GTF2A1L: variants seen among roughly 807,000 people sequenced by gnomAD.
The protein encoded by GTF2A1L is general transcription factor IIA subunit 1 like, also known as TFIIA-alpha and beta-like factor.
Under a neutral mutation model 49.7 loss-of-function variants are expected in GTF2A1L, and 48 were observed. The ratio of observed to expected loss-of-function variants is 0.97; its 90% CI spans 0.77 to 1.23. The LOEUF is 1.23. Ranked by LOEUF, GTF2A1L falls within the 50% of genes most tolerant of loss-of-function variation. GTF2A1L has a pLI of 0.00. For synonymous variants in GTF2A1L, 246 were observed against 193.5 expected, an observed-to-expected ratio of 1.27 and a Z score of -2.25; for missense variants, 736 against 564.8, an observed-to-expected ratio of 1.30 and a Z score of -3.07.
chr2:48,620,818 TA>T, intron 1 of GTF2A1L, 32 bp from the exon 2 acceptor site: 100 of 1,060,324 alleles, frequency 9.4e-5, no homozygotes, highest in Middle Eastern at 2.8e-4. Context: ...AATAAATAAA[TA>T]AAATGAAACT....
intron 6 of GTF2A1L, among the ~76,000 whole-genome samples, chr2:48,649,146 G>C (rs1677705540): frequency 6.6e-6 from 1 of 152,062 alleles, no homozygotes; most frequent in Admixed American, 6.6e-5. Context: ...GTCTGAATTT[G>C]ACTCTTCTAG....
chr2:48,626,476 T>C (rs1676297841), intron 3 of GTF2A1L, among the ~76,000 whole-genome samples: 1 of 144,850 alleles, frequency 6.9e-6, no homozygotes, highest in African/African-American at 2.5e-5. Context: ...AGTATGGACA[T>C]TTTAATGATA....
chr2:48,640,900 CTTGTTAGT>C (rs74271807), intron 3 of GTF2A1L, among the ~76,000 whole-genome samples: 26,067 of 151,884 alleles, frequency 0.17, 2,542 homozygotes, highest in South Asian at 0.26. Flanking sequence ...AAGTATATAA[CTTGTTAGT>C]TTAGTATCAA....
intron 6 of GTF2A1L, among the ~76,000 whole-genome samples, chr2:48,664,188 C>G (rs1678683753): frequency 6.6e-6 from 1 of 151,932 alleles, no homozygotes; most frequent in South Asian, 2.1e-4. Context: ...GTGCCAAGAG[C>G]AGAAATCTTG....
intron 8 of GTF2A1L, 74 bp downstream of exon 8, chr2:48,671,754 A>G: frequency 7.3e-7 from 1 of 1,365,422 alleles, no homozygotes; most frequent in Non-Finnish European, 1.0e-6. Flanking sequence ...AATGATGGGA[A>G]ATAAGATGAA....
At chr2:48,677,423 G>A (rs73931124) in intron 8 of GTF2A1L, among the ~76,000 whole-genome samples, 3,503 of 152,000 alleles carry the variant, frequency 0.023, 149 homozygotes, top group African/African-American at 0.08. Context: ...TAAGCATTTT[G>A]AACAGAAAGA....
intron 3 of GTF2A1L, among the ~76,000 whole-genome samples, chr2:48,634,597 C>G (rs1229927525): frequency 1.3e-5 from 2 of 152,184 alleles, no homozygotes; most frequent in Admixed American, 6.5e-5. Context: ...CTAGTGGTAA[C>G]TAACTCCTTT....
At chr2:48,669,622 A>G in intron 6 of GTF2A1L, 100 bp from the exon 7 acceptor site, 1 of 1,436,024 alleles carries the variant, frequency 7.0e-7, no homozygotes. Flanking sequence ...AGTTTGCTTG[A>G]ACTGACCATT....
chr2:48,640,352 A>G (rs1248378751), intron 3 of GTF2A1L, among the ~76,000 whole-genome samples: 2 of 152,234 alleles, frequency 1.3e-5, no homozygotes, highest in Non-Finnish European at 2.9e-5. Context: ...CATGGATACT[A>G]TGCAGCCATA....
At position 48,646,547 on chromosome 2, in the gene GTF2A1L, G is replaced by T; in HGVS notation, c.483G>T (p.Gln161His). ...ATCCAATTCAGCAAGTATTTCAACA[G>T]CTTGGCCAGCCTTCAGTAATACAAA... ...LQHPIQQVFQ[Q>H]LGQPSVIQTS... is the part of the protein sequence containing the mutation. The change falls in exon 6 of 9, where the codon CAG (glutamine) becomes CAT (histidine). Residue 161 changes from glutamine (Q) to histidine (H), a missense_variant. Coordinates refer to ENST00000403751, the MANE Select transcript of GTF2A1L (RefSeq NM_006872.5). 6.2e-7 allele frequency: 1 copy of T among 1,614,138 alleles called. No individual in the cohort carries two copies. Among genetic ancestry groups the T allele is most frequent in the Non-Finnish European group, 8.5e-7 (1 of 1,180,034 alleles).
chr2:48,619,396 G>C (rs563593958), intron 1 of GTF2A1L, among the ~76,000 whole-genome samples: 1 of 151,740 alleles, frequency 6.6e-6, no homozygotes, highest in Admixed American at 6.6e-5. Flanking sequence ...CTTGAACTTA[G>C]GAGGCAGATG....
rs1005342282 is a variant in GTF2A1L at position 48,641,004 on chromosome 2, C to T, written c.248-1398C>T. ...TCTATAAAGAAACTTTAAAAACTCT[C>T]TTATTGTACTGTTTGATTTATTTAA... On this transcript the variant is annotated intron_variant, in intron 3 of 8. Coordinates refer to ENST00000403751, the MANE Select transcript of GTF2A1L (RefSeq NM_006872.5). 7.9e-5 allele frequency among the ~76,000 whole-genome samples: 12 copies of T among 152,112 alleles called. No individual in the cohort carries two copies. In the East Asian group the frequency reaches 1.3e-3, roughly 17 times the overall value.
At chr2:48,642,607 C>T (rs1677260602) in intron 4 of GTF2A1L, 150 bp downstream of exon 4, 6 of 626,980 alleles carry the variant, frequency 9.6e-6, no homozygotes, top group Non-Finnish European at 1.3e-5. Context: ...GTAATTCCAG[C>T]ACTTTGGGAG....
chr2:48,618,391 T>C (rs1348164805), intron 1 of GTF2A1L, among the ~76,000 whole-genome samples: 3 of 152,218 alleles, frequency 2.0e-5, no homozygotes, highest in Non-Finnish European at 4.4e-5. Context: ...GTGTACAACC[T>C]ACATTACCCT....
At chr2:48,645,161 C>A in intron 5 of GTF2A1L, 44 bp downstream of exon 5, 1 of 1,541,036 alleles carries the variant, frequency 6.5e-7, no homozygotes, top group Non-Finnish European at 8.8e-7. Context: ...AGCATTGGTA[C>A]TATTTTTTGG....
In GTF2A1L at chr2:48,679,193, A is replaced by C. The variant is rs561201841; in HGVS notation, c.1330-142A>C. On this transcript the variant is annotated intron_variant, in intron 8 of 8. Coordinates refer to ENST00000403751, the MANE Select transcript of GTF2A1L (RefSeq NM_006872.5). ...ACATAGGAACTCAAATGTTTATGGAATAAACAAACTATCTTGAGGAGATTT... is the reference window on the plus strand; with the variant it reads ...ACATAGGAACTCAAATGTTTATGGACTAAACAAACTATCTTGAGGAGATTT... 85 of 1,079,250 alleles carry C rather than the reference A, an allele frequency of 7.9e-5. No homozygotes were observed. The East Asian group carries it at 2.1e-3, about 27-fold the overall frequency. 66.9% of individuals were successfully genotyped at this position (1,079,250 alleles called of 1,614,324 possible). A position where few individuals can be genotyped will look rare whatever the true frequency, so the allele number is the denominator to read the frequency against.
intron 6 of GTF2A1L, among the ~76,000 whole-genome samples, chr2:48,654,639 C>G (rs984536711): frequency 2.0e-5 from 3 of 152,190 alleles, no homozygotes; most frequent in Non-Finnish European, 4.4e-5. Context: ...CTGCCTCAGC[C>G]TCTCAAAGTG....
At chr2:48,644,714 T>C (rs1403679226) in intron 4 of GTF2A1L, among the ~76,000 whole-genome samples, 2 of 152,164 alleles carry the variant, frequency 1.3e-5, no homozygotes, top group Non-Finnish European at 2.9e-5. Flanking sequence ...TATCAGTCTT[T>C]CAAATTTTTG....
In GTF2A1L at chr2:48,656,358, T is replaced by G. The variant is rs945327573; in HGVS notation, c.978+9316T>G. On this transcript the variant is annotated intron_variant, in intron 6 of 8. Transcript: ENST00000403751. Reference sequence around the variant, plus strand: ...CAACGCTTATTTTCTGTTTTTTTTTTTTTTTTTTTTTTTTTTTTTAATAAT... The same window carrying G: ...CAACGCTTATTTTCTGTTTTTTTTTGTTTTTTTTTTTTTTTTTTTAATAAT... Among the ~76,000 whole-genome samples the G allele has an allele frequency of 1.5e-4, 22 of 146,054 alleles. 2 individuals carry two copies. Among genetic ancestry groups the G allele is most frequent in the African/African-American group, 5.5e-4 (22 of 39,792 alleles).
Sources: gnomAD v4.1 joint callset for allele counts (sites outside exome capture counted in the v4.1 genomes callset) on GRCh38, gnomAD v4.1.1 for gene constraint, MANE v1.5 for transcripts, NCBI Gene and HGNC (gene_info 2026-07-23, HGNC 2026-07-21) for gene names.